ZNF800: variants seen among roughly 807,000 people sequenced by gnomAD.
ZNF800 encodes the protein zinc finger protein 800.
Under a neutral mutation model 59.5 loss-of-function variants are expected in ZNF800, and 13 were observed. The ratio of observed to expected loss-of-function variants is 0.22; its 90% CI spans 0.14 to 0.35. ZNF800 has a LOEUF of 0.35. Ranked by LOEUF, ZNF800 falls within the 10% of genes least tolerant of loss-of-function variation. ZNF800 has a pLI of 1.00. For synonymous variants in ZNF800, 266 were observed against 265.7 expected, an observed-to-expected ratio of 1.00 and a Z score of -0.01; for missense variants, 621 against 783.7, an observed-to-expected ratio of 0.79 and a Z score of 2.48.
chr7:127,386,298 T>C, intron 2 of ZNF800, 143 bp from the exon 3 acceptor site: 1 of 449,172 alleles, frequency 2.2e-6, no homozygotes, highest in Non-Finnish European at 3.9e-6. Flanking sequence ...GCATATATAA[T>C]ATGTAGATAT....
At chr7:127,369,781 GT>G (rs1800588605), downstream of ZNF800, among the ~76,000 whole-genome samples, 2 of 151,912 alleles carry the variant, frequency 1.3e-5, no homozygotes, top group Admixed American at 6.6e-5. Flanking sequence ...ACTGTGAATG[GT>G]CCTGTAGAAA....
Position 127,370,215 on chromosome 7 carries a change from G to C in ZNF800, c.*1599C>G, listed in dbSNP as rs998300303. The C allele has an allele frequency of 6.6e-6, 1 of 152,052 alleles. No individual in the cohort carries two copies. The highest frequency in any genetic ancestry group is 1.5e-5 in the Non-Finnish European group (1 of 67,970). 9.4% of individuals were successfully genotyped at this position (152,052 alleles called of 1,614,324 possible). A position where few individuals can be genotyped will look rare whatever the true frequency, so the allele number is the denominator to read the frequency against. ...AGTAAATCTGTTTTTAAATTAAAGA[G>C]AAATTATTACTCTATTTCTTAGAAA... On this transcript the variant is annotated 3_prime_UTR_variant, in exon 6 of 6. Coordinates refer to ENST00000265827, the MANE Select transcript of ZNF800 (RefSeq NM_176814.5).
rs568562071 is a variant in ZNF800 at position 127,370,277 on chromosome 7, A to G, written c.*1537T>C. The G allele has an allele frequency of 6.6e-6, 1 of 152,582 alleles. No individual in the cohort carries two copies. The highest frequency in any genetic ancestry group is 2.4e-5 in the African/African-American group (1 of 41,584). The allele number at this position is 152,582 out of a possible 1,614,324, so 9.5% of individuals were successfully genotyped here. ...GAATATAATTCAAGTGTAGCTGCTCATAGTCACTGAATAAGTTTAAATTTG... is the reference window on the plus strand; with the variant it reads ...GAATATAATTCAAGTGTAGCTGCTCGTAGTCACTGAATAAGTTTAAATTTG... On this transcript the variant is annotated 3_prime_UTR_variant, in exon 6 of 6. Coordinates refer to ENST00000265827, the MANE Select transcript of ZNF800 (RefSeq NM_176814.5).
chr7:127,383,158 A>C (rs1801021647), intron 3 of ZNF800, among the ~76,000 whole-genome samples: 1 of 152,232 alleles, frequency 6.6e-6, no homozygotes, highest in Non-Finnish European at 1.5e-5. Context: ...GGACATTAAA[A>C]ATGAGTCAAC....
At chr7:127,348,431 C>CAAA (rs72267169) in intron 1 of ZNF800, among the ~76,000 whole-genome samples, 2,111 of 130,960 alleles carry the variant, frequency 0.016, 40 homozygotes, top group African/African-American at 0.053. Context: ...AAAAAAATGG[C>CAAA]AAAAAAAAAA....
chr7:127,385,884 T>C (rs1801125939), intron 3 of ZNF800, among the ~76,000 whole-genome samples, 176 bp downstream of exon 3: 1 of 152,130 alleles, frequency 6.6e-6, no homozygotes, highest in African/African-American at 2.4e-5. Flanking sequence ...AAGAATAATC[T>C]CTAGACCAAG....
chr7:127,369,720 C>T (rs553045035), downstream of ZNF800, among the ~76,000 whole-genome samples: 1 of 152,206 alleles, frequency 6.6e-6, no homozygotes, highest in East Asian at 1.9e-4. Flanking sequence ...TCATTTATTT[C>T]CTCCTCTAGA....
chr7:127,391,698 TCAG>T, intron 1 of ZNF800, 83 bp from the exon 2 acceptor site: 1 of 715,648 alleles, frequency 1.4e-6, no homozygotes, highest in Non-Finnish European at 2.5e-6. Context: ...GTTCCCATCA[TCAG>T]CTCTCCGCTT....
chr7:127,378,802 G>C (rs1188106101), intron 3 of ZNF800, among the ~76,000 whole-genome samples: 1 of 151,560 alleles, frequency 6.6e-6, no homozygotes, highest in Non-Finnish European at 1.5e-5. Context: ...AAAGTTACCA[G>C]GTTATCACAA....
downstream of ZNF800, among the ~76,000 whole-genome samples, chr7:127,344,564 A>C (rs902034279): frequency 2.0e-5 from 3 of 152,100 alleles, no homozygotes; most frequent in African/African-American, 7.2e-5. Context: ...TATAGCCAAA[A>C]ATATTTAAAA....
At chr7:127,373,295 TAG>T (rs1177063689) in intron 5 of ZNF800, 45 bp downstream of exon 5, 1 of 1,526,228 alleles carries the variant, frequency 6.6e-7, no homozygotes, top group Non-Finnish European at 8.8e-7. Context: ...ATTTTTTTTT[TAG>T]TTCGATGGGG....
At chr7:127,368,373 C>T (rs192889838), downstream of ZNF800, among the ~76,000 whole-genome samples, 42 of 152,152 alleles carry the variant, frequency 2.8e-4, no homozygotes, top group East Asian at 6.2e-3. Flanking sequence ...TAAAGAGAGA[C>T]GACAGGATAG....
Position 127,371,665 on chromosome 7 carries a change from GA to G in ZNF800, c.*148del, listed in dbSNP as rs1163609051. 5.6e-6 allele frequency: 3 copies of G among 534,310 alleles called. No homozygotes were observed. The Admixed American group carries it at 1.1e-4, about 20-fold the overall frequency. 33.1% of individuals were successfully genotyped at this position (534,310 alleles called of 1,614,324 possible). ...AGTGGTTAGATGGTTATTTTAGTCA[GA>G]AAACAGCAGTTATAGTTGAATATTT... On this transcript the variant is annotated 3_prime_UTR_variant, in exon 6 of 6. Coordinates refer to ENST00000265827, the MANE Select transcript of ZNF800 (RefSeq NM_176814.5).
chr7:127,390,530 A>G (rs1801276820), intron 2 of ZNF800, among the ~76,000 whole-genome samples: 1 of 152,170 alleles, frequency 6.6e-6, no homozygotes, highest in Non-Finnish European at 1.5e-5. Context: ...ATTTTTTTCC[A>G]TTAATCAGAA....
chr7:127,352,484 G>C (rs11772745), intron 1 of ZNF800, among the ~76,000 whole-genome samples: 49,699 of 152,182 alleles, frequency 0.33, 9,401 homozygotes, highest in East Asian at 0.75. Flanking sequence ...TCTGGTCTGA[G>C]TGGCAGTTGC....
At chr7:127,384,227 C>CTTTT (rs577977623) in intron 3 of ZNF800, among the ~76,000 whole-genome samples, 6,588 of 62,898 alleles carry the variant, frequency 0.1, 1,336 homozygotes, top group Middle Eastern at 0.14. Context: ...ATTCTAACTT[C>CTTTT]TTTTTTTTTT....
chr7:127,350,399 G>A (rs1366877747), intron 1 of ZNF800: 1 of 152,188 alleles, frequency 6.6e-6, no homozygotes. Flanking sequence ...ATGAGATCTA[G>A]TTTAAATGAG....
At chr7:127,384,345 TGCCTCAGCCTCTC>T (rs1562909720) in intron 3 of ZNF800, among the ~76,000 whole-genome samples, 1 of 148,858 alleles carries the variant, frequency 6.7e-6, no homozygotes, top group Non-Finnish European at 1.5e-5. Flanking sequence ...GCCATTCTCC[TGCCTCAGCCTCTC>T]GAGTAGCTGA....
At chr7:127,383,761 C>T (rs1409208408) in intron 3 of ZNF800, among the ~76,000 whole-genome samples, 3 of 152,088 alleles carry the variant, frequency 2.0e-5, no homozygotes, top group African/African-American at 7.2e-5. Context: ...TAAAATAATT[C>T]TTTTTTTAAT....
Sources: allele counts gnomAD v4.1 joint callset (sites outside exome capture counted in the v4.1 genomes callset), GRCh38; gene constraint gnomAD v4.1.1; transcripts MANE v1.5; gene names NCBI Gene and HGNC (gene_info 2026-07-23, HGNC 2026-07-21).